Variants in SSU72 observed in about 807,000 individuals in gnomAD.
SSU72 encodes SSU72 homolog, RNA polymerase II CTD phosphatase, also known as RNA polymerase II subunit A C-terminal domain phosphatase SSU72.
SSU72 carries 12 observed loss-of-function variants against 22.7 expected under a neutral mutation model. The ratio of observed to expected loss-of-function variants is 0.53; its 90% CI spans 0.34 to 0.86. The LOEUF is 0.86. Among genes scored for constraint, SSU72 ranks in the 40% least tolerant of loss-of-function variants. The pLI is 0.02. For missense variants in SSU72, 151 were observed against 249.8 expected (o/e 0.60, Z 2.67); for synonymous variants, 116 against 98.3 (o/e 1.18, Z -1.06).
chr1:1,574,656 GC>G lies in SSU72; in HGVS notation c.-100del. 3.5e-6 allele frequency: 2 copies of G among 564,834 alleles called. No individual in the cohort carries two copies. Among genetic ancestry groups the G allele is most frequent in the Non-Finnish European group, 4.1e-6 (2 of 488,172 alleles). The allele number at this position is 564,834 out of a possible 1,614,324, so 35.0% of individuals were successfully genotyped here. ...TGGCGGCCGCGGTGGCCGGAAGCGG[GC>G]GACGCGAAACGACGGCGCCGGCGGT... is the stretch of plus-strand genomic sequence containing the variant. On this transcript the variant is annotated 5_prime_UTR_variant, in exon 1 of 5. Transcript: ENST00000291386.
intron 2 of SSU72, among the ~76,000 whole-genome samples, chr1:1,552,478 C>T (rs1183827271): frequency 6.6e-6 from 1 of 152,234 alleles, no homozygotes; most frequent in East Asian, 1.9e-4. Context: ...ACAGCACCTT[C>T]TACCAGGGTC....
chr1:1,550,203 T>C (rs1172648985), intron 2 of SSU72, among the ~76,000 whole-genome samples: 3 of 148,112 alleles, frequency 2.0e-5, no homozygotes, highest in East Asian at 2.0e-4. Flanking sequence ...TATATATATA[T>C]ATATGTATAT....
chr1:1,544,610 C>CT (rs955976265), intron 3 of SSU72: 1 of 542,710 alleles, frequency 1.8e-6, no homozygotes, highest in Non-Finnish European at 3.3e-6. Flanking sequence ...GAGCACGACT[C>CT]TGTCTCAAAA....
At chr1:1,573,531 T>C (rs943726963) in intron 1 of SSU72, among the ~76,000 whole-genome samples, 3 of 151,556 alleles carry the variant, frequency 2.0e-5, no homozygotes, top group Non-Finnish European at 2.9e-5. Flanking sequence ...TGTTTTTTGG[T>C]CTCCAACTCC....
In SSU72 at chr1:1,554,413, C is replaced by T. The variant is rs181183100; in HGVS notation, c.225-9411G>A. ...CCATTTGGGGGTCCCCACGAGCCCTCGCTGACCACCCACACCCATTTGATG... is the reference window on the plus strand; with the variant it reads ...CCATTTGGGGGTCCCCACGAGCCCTTGCTGACCACCCACACCCATTTGATG... On this transcript the variant is annotated intron_variant, in intron 2 of 4. Coordinates refer to ENST00000291386, the MANE Select transcript of SSU72 (RefSeq NM_014188.3). The surrounding 1 kb of genome is among the most constrained non-coding windows in gnomAD (Gnocchi z 4.1). 7.9e-5 allele frequency among the ~76,000 whole-genome samples: 12 copies of T among 152,340 alleles called. No individual in the cohort carries two copies. The East Asian group carries it at 1.4e-3, about 17-fold the overall frequency.
chr1:1,560,098 C>G (rs1361027135), intron 2 of SSU72, among the ~76,000 whole-genome samples: 1 of 152,316 alleles, frequency 6.6e-6, no homozygotes, highest in South Asian at 2.1e-4. Context: ...GGGTGATCCA[C>G]CTGCCTCGGT....
At chr1:1,560,778 G>A (rs1642579297) in intron 2 of SSU72, 1 of 152,196 alleles carries the variant, frequency 6.6e-6, no homozygotes, top group Non-Finnish European at 1.5e-5. Flanking sequence ...CTTGAGGCCA[G>A]GAGTTCGAGA....
chr1:1,573,196 C>A (rs1307840821), intron 1 of SSU72, among the ~76,000 whole-genome samples: 1 of 148,160 alleles, frequency 6.7e-6, no homozygotes, highest in African/African-American at 2.5e-5. Flanking sequence ...GCCGAGCGGG[C>A]AGATCACGAG....
intron 2 of SSU72, among the ~76,000 whole-genome samples, chr1:1,550,408 A>G (rs1642442045): frequency 1.3e-5 from 2 of 152,092 alleles, no homozygotes; most frequent in South Asian, 2.1e-4. Context: ...AATTCAGGCA[A>G]TTTTCAGCAG....
At position 1,544,969 on chromosome 1, in the gene SSU72, G is replaced by A; in HGVS notation, c.258C>T (p.Asp86=). Reference sequence around the variant, plus strand: ...GCCGGGGCTTGATTCTCTTATTTCTGTCCAGCATATGTAAAATCCCATTCT... The same window carrying A: ...GCCGGGGCTTGATTCTCTTATTTCTATCCAGCATATGTAAAATCCCATTCT... ...YTQNGILHML[D]RNKRIKPRPE... Residue 86 remains aspartate, a synonymous_variant, in exon 3 of 5, where the codon GAC becomes GAT. Transcript: ENST00000291386. 1 of 1,614,156 alleles carries A rather than the reference G, an allele frequency of 6.2e-7. No individual in the cohort carries two copies. The highest frequency in any genetic ancestry group is 8.5e-7 in the Non-Finnish European group (1 of 1,180,032).
At chr1:1,563,697 C>G (rs1248953331) in intron 2 of SSU72, 1 of 152,170 alleles carries the variant, frequency 6.6e-6, no homozygotes, top group African/African-American at 2.4e-5. Context: ...ACTAAAAATA[C>G]AAAAATTAGC....
chr1:1,546,719 C>CTCAGCT (rs1642393232), intron 2 of SSU72, among the ~76,000 whole-genome samples: 1 of 151,992 alleles, frequency 6.6e-6, no homozygotes. Flanking sequence ...CACCTGTAAT[C>CTCAGCT]TCAGCTACAG....
chr1:1,544,724 A>C (rs1425779796), intron 3 of SSU72, 139 bp downstream of exon 3: 1 of 1,228,126 alleles, frequency 8.1e-7, no homozygotes. Flanking sequence ...CCTGCCTTCC[A>C]GGGTGCTTCA....
At chr1:1,553,018 CAAAAAAAAAA>C (rs35241878) in intron 2 of SSU72, among the ~76,000 whole-genome samples, 1 of 93,838 alleles carries the variant, frequency 1.1e-5, no homozygotes, top group East Asian at 2.8e-4. Context: ...GAGACTGTCT[CAAAAAAAAAA>C]AAAAAAAAAA....
intron 2 of SSU72, among the ~76,000 whole-genome samples, chr1:1,553,041 T>A (rs1464305804): frequency 6.8e-6 from 1 of 147,310 alleles, no homozygotes; most frequent in Admixed American, 6.8e-5. Flanking sequence ...AAAAAAAAAT[T>A]ACTTTTTAAA....
At chr1:1,549,784 C>G (rs895552942) in intron 2 of SSU72, among the ~76,000 whole-genome samples, 1 of 151,962 alleles carries the variant, frequency 6.6e-6, no homozygotes, top group African/African-American at 2.4e-5. Flanking sequence ...ACCATCCTGG[C>G]TAACATGGTG....
intron 1 of SSU72, among the ~76,000 whole-genome samples, chr1:1,572,777 G>C (rs1375518956): frequency 6.8e-6 from 1 of 147,726 alleles, no homozygotes; most frequent in East Asian, 2.0e-4. Flanking sequence ...TTGTTATGCA[G>C]GTACAGCAGA....
Position 1,541,988 on chromosome 1 carries a change from T to C in SSU72, c.*78A>G, listed in dbSNP as rs375396798. ...GCTACCGTCACCAGCAGAACACCTG[T>C]AAGTAAAAACAAATGTCAGGAAGGA... On this transcript the variant is annotated 3_prime_UTR_variant, in exon 5 of 5. Transcript: ENST00000291386. 1.4e-6 allele frequency: 2 copies of C among 1,382,146 alleles called. No individual in the cohort carries two copies. Among genetic ancestry groups the C allele is most frequent in the East Asian group, 2.5e-5 (1 of 39,946 alleles). 85.6% of individuals were successfully genotyped at this position (1,382,146 alleles called of 1,614,324 possible). A position where few individuals can be genotyped will look rare whatever the true frequency, so the allele number is the denominator to read the frequency against.
intron 1 of SSU72, among the ~76,000 whole-genome samples, chr1:1,566,333 T>TA (rs1452482549): frequency 1.3e-5 from 2 of 152,198 alleles, no homozygotes; most frequent in Non-Finnish European, 2.9e-5. Flanking sequence ...CTGATACTTA[T>TA]AATTACCTAA....
Sources: allele counts gnomAD v4.1 joint callset (sites outside exome capture counted in the v4.1 genomes callset), GRCh38; gene constraint gnomAD v4.1.1; non-coding constraint Gnocchi (gnomAD v3.1); transcripts MANE v1.5; gene names NCBI Gene and HGNC (gene_info 2026-07-23, HGNC 2026-07-21).